Variants in VMP1 observed in about 807,000 individuals in gnomAD.
VMP1 encodes the protein ectopic P-granules autophagy protein 3 homolog.
Under a neutral mutation model 56.0 loss-of-function variants are expected in VMP1, and 11 were observed. That is an observed-to-expected ratio of 0.20 (90% CI 0.12 to 0.32). The LOEUF (loss-of-function observed/expected upper bound fraction) is 0.32. Ranked by LOEUF, VMP1 falls within the 10% of genes least tolerant of loss-of-function variation. The probability of loss-of-function intolerance (pLI) is 1.00; values close to 1 mark genes in which losing one functional copy is unlikely to be tolerated. For synonymous variants in VMP1, 149 were observed against 165.0 expected (o/e 0.90, Z 0.74); for missense variants, 296 against 490.3 (o/e 0.60, Z 3.74).
chr17:59,835,116 T>C (rs990510109), intron 10 of VMP1, among the ~76,000 whole-genome samples: 2 of 151,452 alleles, frequency 1.3e-5, no homozygotes, highest in African/African-American at 4.9e-5. Flanking sequence ...GGCTGTTTTG[T>C]TTTTTTGCTT....
chr17:59,734,902 C>CTTTTTTTTTT (rs35072996), intron 2 of VMP1, among the ~76,000 whole-genome samples: 5 of 72,294 alleles, frequency 6.9e-5, no homozygotes, highest in Non-Finnish European at 1.2e-4. Context: ...GACTGGTTGC[C>CTTTTTTTTTT]TTTTTTTTTT....
chr17:59,815,855 C>CAAAA lies in VMP1; in HGVS notation c.913-1839_913-1836dup, dbSNP rs71145576. ...TGGGCAACAGAGCGAGACTCCGTCT[C>CAAAA]AAAAAAAAAAAAAAAAAAAAAGATT... is the stretch of plus-strand genomic sequence containing the variant. On this transcript the variant is annotated intron_variant, in intron 9 of 11. Coordinates refer to ENST00000262291, the MANE Select transcript of VMP1 (RefSeq NM_030938.5). Among the ~76,000 whole-genome samples the CAAAA allele has an allele frequency of 1.0e-3, 106 of 105,702 alleles. 1 individual carries two copies. The highest frequency in any genetic ancestry group is 1.5e-3 in the Non-Finnish European group (83 of 54,000). 69.3% of individuals were successfully genotyped at this position (105,702 alleles called of 152,430 possible). A position where few individuals can be genotyped will look rare whatever the true frequency, so the allele number is the denominator to read the frequency against.
At chr17:59,758,051 G>A (rs376344241) in intron 5 of VMP1, among the ~76,000 whole-genome samples, 1 of 151,440 alleles carries the variant, frequency 6.6e-6, no homozygotes, top group Admixed American at 6.6e-5. Flanking sequence ...ATGTTACCCA[G>A]GCTGGTCTCA....
At position 59,760,746 on chromosome 17, in the gene VMP1, G is replaced by A. The variant is rs923181331; in HGVS notation, c.415-4225G>A. Among the ~76,000 whole-genome samples, 5 of 151,554 alleles carry A rather than the reference G, an allele frequency of 3.3e-5. No individual in the cohort carries two copies. In the East Asian group the frequency reaches 7.7e-4, roughly 23 times the overall value. ...AGCCATTCCCCTGCCTCAGCCTCCC[G>A]AGTAGCTGGGATTACAGGTGCGCAC... is the stretch of plus-strand genomic sequence containing the variant. On this transcript the variant is annotated intron_variant, in intron 5 of 11. Transcript: ENST00000262291.
At chr17:59,758,666 A>T (rs2143950911) in intron 5 of VMP1, among the ~76,000 whole-genome samples, 1 of 151,938 alleles carries the variant, frequency 6.6e-6, no homozygotes, top group African/African-American at 2.4e-5. Flanking sequence ...TCTAAAAATA[A>T]CAAAAAAAAA....
intron 1 of VMP1, among the ~76,000 whole-genome samples, chr17:59,714,387 G>A (rs1010179622): frequency 2.0e-5 from 3 of 152,162 alleles, no homozygotes; most frequent in East Asian, 1.9e-4. Context: ...CAGAGCCTCC[G>A]TGACCCAATC....
intron 5 of VMP1, among the ~76,000 whole-genome samples, chr17:59,752,651 A>T (rs1391989858): frequency 6.6e-6 from 1 of 152,208 alleles, no homozygotes; most frequent in Non-Finnish European, 1.5e-5. Flanking sequence ...TTCCAGTTTC[A>T]TGTAACCACT....
chr17:59,813,760 T>C (rs2038132977), intron 9 of VMP1, among the ~76,000 whole-genome samples: 1 of 152,192 alleles, frequency 6.6e-6, no homozygotes, highest in Non-Finnish European at 1.5e-5. Flanking sequence ...GATTATTTTA[T>C]TTCATAACAA....
intron 4 of VMP1, 105 bp downstream of exon 4, chr17:59,737,648 C>A: frequency 1.1e-6 from 1 of 895,896 alleles, no homozygotes; most frequent in African/African-American, 1.7e-5. Context: ...CTACCCTCAA[C>A]ATTATCTCAT....
In VMP1 at chr17:59,729,308, C is replaced by G. The variant is rs187495442; in HGVS notation, c.-26-2113C>G. Among the ~76,000 whole-genome samples, 31 of 152,038 alleles carry G rather than the reference C, an allele frequency of 2.0e-4. 1 individual carries two copies. The highest frequency in any genetic ancestry group is 7.5e-4 in the African/African-American group (31 of 41,468). On this transcript the variant is annotated intron_variant, in intron 1 of 11. Transcript: ENST00000262291. ...GACCAGCCTAACCAACATGGTGAAA[C>G]CCCGTCTCTACTAAAAATACAAAAA...
chr17:59,829,396 A>G (rs1424092132), intron 10 of VMP1, among the ~76,000 whole-genome samples: 1 of 152,190 alleles, frequency 6.6e-6, no homozygotes, highest in Non-Finnish European at 1.5e-5. Context: ...CTACCTTACT[A>G]GGAAAGGCAG....
intron 5 of VMP1, among the ~76,000 whole-genome samples, chr17:59,758,173 T>C (rs2035917307): frequency 6.6e-6 from 1 of 152,134 alleles, no homozygotes; most frequent in Non-Finnish European, 1.5e-5. Context: ...CTCCCTGTAT[T>C]GATCTTTACC....
At chr17:59,813,248 G>A (rs948026401) in intron 9 of VMP1, among the ~76,000 whole-genome samples, 1 of 152,084 alleles carries the variant, frequency 6.6e-6, no homozygotes, top group African/African-American at 2.4e-5. Context: ...AACGAACACA[G>A]GTTTTTTAAT....
At chr17:59,813,072 C>T (rs995189938) in intron 9 of VMP1, among the ~76,000 whole-genome samples, 4 of 152,128 alleles carry the variant, frequency 2.6e-5, no homozygotes, top group African/African-American at 7.2e-5. Flanking sequence ...AGGAAAACTT[C>T]GGCTGCTTCT....
At chr17:59,739,001 G>T (rs2035114415) in intron 5 of VMP1, 54 bp downstream of exon 5, 5 of 1,380,250 alleles carry the variant, frequency 3.6e-6, no homozygotes, top group Admixed American at 4.7e-5. Flanking sequence ...TCTTTTTATT[G>T]GTGCTTTTAT....
At chr17:59,807,398 C>T (rs1343731413) in intron 7 of VMP1, among the ~76,000 whole-genome samples, 6 of 151,554 alleles carry the variant, frequency 4.0e-5, no homozygotes, top group Admixed American at 2.0e-4. Context: ...AAGGTTTCAC[C>T]GTGTTAGTCA....
chr17:59,816,672 G>A (rs4308011), intron 9 of VMP1, among the ~76,000 whole-genome samples: 1 of 151,810 alleles, frequency 6.6e-6, no homozygotes, highest in East Asian at 1.9e-4. Context: ...GGGCATGGTG[G>A]CGGGCGCCTG....
chr17:59,772,803 A>C (rs1276984366), intron 6 of VMP1, among the ~76,000 whole-genome samples: 5 of 151,842 alleles, frequency 3.3e-5, no homozygotes, highest in Non-Finnish European at 7.4e-5. Context: ...TATTCATCCT[A>C]ATGTTTAGTT....
chr17:59,836,139 C>T (rs981373510), intron 10 of VMP1, among the ~76,000 whole-genome samples: 15 of 151,316 alleles, frequency 9.9e-5, no homozygotes, highest in Non-Finnish European at 1.9e-4. Context: ...GTGCAGTATT[C>T]ACATTTATTA....
Sources: allele counts gnomAD v4.1 joint callset (sites outside exome capture counted in the v4.1 genomes callset), GRCh38; gene constraint gnomAD v4.1.1; transcripts MANE v1.5; gene names NCBI Gene and HGNC (gene_info 2026-07-23, HGNC 2026-07-21).